Variants in FCRL3 observed in about 807,000 individuals in gnomAD.
FCRL3 encodes Fc receptor-like protein 3.
Under a neutral mutation model 75.0 loss-of-function variants are expected in FCRL3, and 89 were observed. The observed-to-expected ratio is 1.19, with a 90% CI of 1.00 to 1.42. The LOEUF is 1.42. FCRL3 is among the 40% of genes most tolerant of loss of function. The pLI is 0.00. For missense variants in FCRL3, 946 were observed against 880.0 expected (o/e 1.07, Z -0.95); for synonymous variants, 376 against 348.5 (o/e 1.08, Z -0.88).
Position 157,689,865 on chromosome 1 carries a change from C to T in FCRL3, c.1743G>A (p.Val581=), listed in dbSNP as rs1655402447. 6.2e-7 allele frequency: 1 copy of T among 1,614,182 alleles called. No individual in the cohort carries two copies. The highest frequency in any genetic ancestry group is 1.1e-5 in the South Asian group (1 of 91,088). ...GLTAAGITGL[V]LSILVLAAAA... ...CAGCAGCAAGGACGAGGATGCTGAG[C>T]ACCAGCCCCGTGATTCCCGCAGCGG... Residue 581 remains valine, a synonymous_variant, in exon 10 of 15, where the codon GTG becomes GTA. Coordinates refer to ENST00000368184, the MANE Select transcript of FCRL3 (RefSeq NM_052939.4).
chr1:157,690,013 C>G (rs1221686690), intron 9 of FCRL3, 96 bp from the exon 10 acceptor site: 1 of 1,532,826 alleles, frequency 6.5e-7, no homozygotes, highest in Non-Finnish European at 8.9e-7. Context: ...GTTTCTGATT[C>G]CTCCTGTAGC....
At chr1:157,682,489 A>T (rs954474076) in intron 11 of FCRL3, among the ~76,000 whole-genome samples, 1 of 152,210 alleles carries the variant, frequency 6.6e-6, no homozygotes, top group Non-Finnish European at 1.5e-5. Flanking sequence ...AGCACCATTT[A>T]TTAATAAAGT....
chr1:157,685,694 T>A (rs1482885575), intron 10 of FCRL3, among the ~76,000 whole-genome samples: 5 of 152,194 alleles, frequency 3.3e-5, no homozygotes. Flanking sequence ...ATCAGCCATA[T>A]GCTGGGCCAT....
intron 13 of FCRL3, among the ~76,000 whole-genome samples, chr1:157,679,830 C>CAAAAAAAAAAAAAAAAAAAAAAAAAAA (rs1166825112): frequency 2.0e-5 from 1 of 49,904 alleles, no homozygotes; most frequent in Non-Finnish European, 3.3e-5. Context: ...CCCCATCTCA[C>CAAAAAAAAAAAAAAAAAAAAAAAAAAA]AAAAAAAAAA....
At chr1:157,679,113 C>G in intron 13 of FCRL3, 140 bp from the exon 14 acceptor site, 1 of 938,420 alleles carries the variant, frequency 1.1e-6, no homozygotes, top group Non-Finnish European at 1.7e-6. Context: ...TTCTTCCAAA[C>G]CCACATAGAA....
chr1:157,699,815 C>G, intron 2 of FCRL3, 103 bp from the exon 3 acceptor site: 1 of 1,261,482 alleles, frequency 7.9e-7, no homozygotes, highest in Non-Finnish European at 1.1e-6. Flanking sequence ...TCTTTGCTCC[C>G]TTTTTATATC....
At chr1:157,698,219 C>A (rs534559595) in intron 4 of FCRL3, among the ~76,000 whole-genome samples, 165 bp downstream of exon 4, 6 of 152,380 alleles carry the variant, frequency 3.9e-5, no homozygotes, top group African/African-American at 1.2e-4. Flanking sequence ...GATGGATAGA[C>A]AATCCAGCAT....
At chr1:157,687,543 C>A (rs1655249862) in intron 10 of FCRL3, among the ~76,000 whole-genome samples, 3 of 145,856 alleles carry the variant, frequency 2.1e-5, no homozygotes, top group Non-Finnish European at 4.5e-5. Context: ...TCTAGGTGCC[C>A]ACCAGTGGTA....
intron 8 of FCRL3, among the ~76,000 whole-genome samples, 185 bp from the exon 9 acceptor site, chr1:157,690,718 T>C (rs1456044259): frequency 6.6e-6 from 1 of 152,208 alleles, no homozygotes; most frequent in Non-Finnish European, 1.5e-5. Flanking sequence ...AACTTTTTAA[T>C]TTCTCTAAGT....
chr1:157,691,612 T>G (rs900371996), intron 8 of FCRL3: 1 of 152,168 alleles, frequency 6.6e-6, no homozygotes, highest in Non-Finnish European at 1.5e-5. Flanking sequence ...TTGAAACAGA[T>G]GGTTTGAATT....
At position 157,696,237 on chromosome 1, in the gene FCRL3, G is replaced by C; in HGVS notation, c.935C>G (p.Ala312Gly). Reference protein sequence around the residue: ...GENMVLICSVAQGSGTVTFSW... With the variant: ...GENMVLICSVGQGSGTVTFSW... Reference sequence around the variant, plus strand: ...GAATGTGACAGTCCCTGAACCCTGGGCTACTGAGCAAATAAGGACCATATT... The same window carrying C: ...GAATGTGACAGTCCCTGAACCCTGGCCTACTGAGCAAATAAGGACCATATT... Residue 312 changes from alanine to glycine, a missense_variant, in exon 7 of 15, where the codon GCC becomes GGC. By Grantham distance (60) the Ala-to-Gly change is moderately conservative. Coordinates refer to ENST00000368184, the MANE Select transcript of FCRL3 (RefSeq NM_052939.4). 1 of 1,613,912 alleles carries C rather than the reference G, an allele frequency of 6.2e-7. No homozygotes were observed. Among genetic ancestry groups the C allele is most frequent in the Non-Finnish European group, 8.5e-7 (1 of 1,179,996 alleles).
In FCRL3 at chr1:157,696,067, T is replaced by G; in HGVS notation, c.1105A>C (p.Ser369Arg). The change falls in exon 7 of 15, where the codon AGC (serine) becomes CGC (arginine). Residue 369 changes from serine to arginine, a missense_variant. Ser to Arg is a moderately radical substitution (Grantham distance 110, BLOSUM62 -1). Transcript: ENST00000368184. ...CTCACGGTGACTCGAATCCACGTGC[T>G]GAGGATGGGGCTGTGAACGTTATCA... ...AADNVHSPIL[S>R]TWIRVTVRIP... The G allele has an allele frequency of 6.2e-7, 1 of 1,611,794 alleles. No individual in the cohort carries two copies. Among genetic ancestry groups the G allele is most frequent in the Middle Eastern group, 1.9e-4 (1 of 5,334 alleles).
In FCRL3 at chr1:157,695,829, A is replaced by T. The variant is rs569254306; in HGVS notation, c.1132+211T>A. On this transcript the variant is annotated intron_variant, in intron 7 of 14. Coordinates refer to ENST00000368184, the MANE Select transcript of FCRL3 (RefSeq NM_052939.4). ...TCACCACTCAGTCTTCCCCGCAAGAAGTAAGGTGCTTCAACTTATTTTGCC... is the reference window on the plus strand; with the variant it reads ...TCACCACTCAGTCTTCCCCGCAAGATGTAAGGTGCTTCAACTTATTTTGCC... 3.7e-4 allele frequency: 260 copies of T among 702,774 alleles called. 2 individuals carry two copies. The South Asian group carries it at 5.2e-3, about 14-fold the overall frequency. The allele number at this position is 702,774 out of a possible 1,614,324, so 43.5% of individuals were successfully genotyped here. A position where few individuals can be genotyped will look rare whatever the true frequency, so the allele number is the denominator to read the frequency against.
At chr1:157,683,515 T>G (rs1654978723) in intron 10 of FCRL3, among the ~76,000 whole-genome samples, 1 of 152,206 alleles carries the variant, frequency 6.6e-6, no homozygotes, top group South Asian at 2.1e-4. Flanking sequence ...TAGTTGTGAC[T>G]GAGTAGGTCA....
At chr1:157,696,783 A>C in intron 6 of FCRL3, 1 of 222,852 alleles carries the variant, frequency 4.5e-6, no homozygotes, top group Admixed American at 5.1e-5. Flanking sequence ...CCCTTTTCGG[A>C]CTATTTTGTT....
At position 157,695,501 on chromosome 1, in the gene FCRL3, G is replaced by T. The variant is rs1244020553; in HGVS notation, c.1239C>A (p.Ile413=). Residue 413 remains isoleucine, a synonymous_variant, in exon 8 of 15, where the codon ATC becomes ATA. Coordinates refer to ENST00000368184, the MANE Select transcript of FCRL3 (RefSeq NM_052939.4). ...CATCCTCATGATAAAATCGGTACAG[G>T]ATCGGGGGAGAGCCTCTCAGGGACT... The part of the protein sequence containing the change: ...HCESLRGSPP[I]LYRFYHEDVT... 6.2e-7 allele frequency: 1 copy of T among 1,614,166 alleles called. No homozygotes were observed. The highest frequency in any genetic ancestry group is 1.7e-5 in the Admixed American group (1 of 60,030).
chr1:157,696,268 C>T lies in FCRL3; in HGVS notation c.904G>A (p.Gly302Arg), dbSNP rs762200307. Reference protein sequence around the residue: ...IRPTGGQLIEGENMVLICSVA... With the variant: ...IRPTGGQLIERENMVLICSVA... ...GAGCAAATAAGGACCATATTTTCTC[C>T]TTCAATCAGCTGCCCTCCGGTGGGC... Residue 302 changes from glycine (G) to arginine (R), a missense_variant, in exon 7 of 15, where the codon GGA becomes AGA. Gly to Arg is a moderately radical substitution (Grantham distance 125). Coordinates refer to ENST00000368184, the MANE Select transcript of FCRL3 (RefSeq NM_052939.4). The T allele has an allele frequency of 2.5e-6, 4 of 1,614,060 alleles. No homozygotes were observed. Among genetic ancestry groups the T allele is most frequent in the South Asian group, 1.1e-5 (1 of 91,072 alleles).
chr1:157,685,107 T>C (rs1400081815), intron 10 of FCRL3, among the ~76,000 whole-genome samples: 3 of 152,008 alleles, frequency 2.0e-5, no homozygotes, highest in Non-Finnish European at 4.4e-5. Context: ...GAAATGATTG[T>C]CAGTTTTCTC....
chr1:157,676,579 A>T lies in FCRL3; in HGVS notation c.*2131T>A. On this transcript the variant is annotated 3_prime_UTR_variant, in exon 15 of 15. Transcript: ENST00000368184. Reference sequence around the variant, plus strand: ...TTTTAGTTGTGAATTCAAAGATAAAAGTCAAGTAGAGCACTGCATGAGAAT... The same window carrying T: ...TTTTAGTTGTGAATTCAAAGATAAATGTCAAGTAGAGCACTGCATGAGAAT... 1 of 797,282 alleles carries T rather than the reference A, an allele frequency of 1.3e-6. No individual in the cohort carries two copies. 49.4% of individuals were successfully genotyped at this position (797,282 alleles called of 1,614,324 possible).
Sources: gnomAD v4.1 joint callset for allele counts (sites outside exome capture counted in the v4.1 genomes callset) on GRCh38, gnomAD v4.1.1 for gene constraint, MANE v1.5 for transcripts, NCBI Gene and HGNC (gene_info 2026-07-23, HGNC 2026-07-21) for gene names.